Variants in HCN1 observed in about 807,000 individuals in gnomAD.
HCN1 encodes hyperpolarization activated cyclic nucleotide gated potassium channel 1, also known as potassium/sodium hyperpolarization-activated cyclic nucleotide-gated channel 1.
A neutral mutation model predicts 78.9 loss-of-function variants in HCN1; 13 were observed. That is an observed-to-expected ratio of 0.16 (90% confidence interval 0.11 to 0.26). The LOEUF is 0.26. HCN1 is among the 10% of genes least tolerant of loss of function. The pLI, the probability that HCN1 is intolerant of heterozygous loss-of-function variation, is 1.00. For missense variants in HCN1, 810 were observed against 1,154.3 expected, an observed-to-expected ratio of 0.70 and a Z score of 4.32; for synonymous variants, 552 against 455.5, an observed-to-expected ratio of 1.21 and a Z score of -2.70.
intron 2 of HCN1, among the ~76,000 whole-genome samples, chr5:45,477,022 CA>C (rs1034265765): frequency 1.3e-5 from 2 of 151,996 alleles, no homozygotes; most frequent in African/African-American, 2.4e-5. Flanking sequence ...TATATCACCC[CA>C]AGGCATACGT....
chr5:45,613,644 G>T (rs968994863), intron 2 of HCN1, among the ~76,000 whole-genome samples: 2 of 151,892 alleles, frequency 1.3e-5, no homozygotes, highest in African/African-American at 4.8e-5. Flanking sequence ...AAATCATGCT[G>T]CTATAAAGAC....
chr5:45,373,779 T>A (rs1290258775), intron 4 of HCN1, among the ~76,000 whole-genome samples: 6 of 122,386 alleles, frequency 4.9e-5, no homozygotes, highest in Non-Finnish European at 9.8e-5. Flanking sequence ...TATAATATAT[T>A]ACATACGGTA....
chr5:45,675,761 G>C (rs145459271), intron 1 of HCN1, among the ~76,000 whole-genome samples: 2 of 151,872 alleles, frequency 1.3e-5, no homozygotes, highest in African/African-American at 4.8e-5. Context: ...GAACAATTAT[G>C]TTATACCATT....
intron 2 of HCN1, among the ~76,000 whole-genome samples, chr5:45,525,584 A>G (rs1357785357): frequency 6.6e-6 from 1 of 151,994 alleles, no homozygotes; most frequent in East Asian, 1.9e-4. Flanking sequence ...TAATAAATAA[A>G]TAAAAAGCAA....
chr5:45,531,721 T>A (rs995825868), intron 2 of HCN1, among the ~76,000 whole-genome samples: 1 of 151,644 alleles, frequency 6.6e-6, no homozygotes, highest in Non-Finnish European at 1.5e-5. Flanking sequence ...GCTCTGACAC[T>A]TTTTTTTTCA....
chr5:45,327,042 T>C (rs1746249103), intron 5 of HCN1, among the ~76,000 whole-genome samples: 1 of 151,616 alleles, frequency 6.6e-6, no homozygotes, highest in Admixed American at 6.6e-5. Context: ...AGGAAGAGTG[T>C]TCATTAGAGA....
chr5:45,569,172 T>C (rs546218934), intron 2 of HCN1, among the ~76,000 whole-genome samples: 17 of 152,292 alleles, frequency 1.1e-4, no homozygotes, highest in African/African-American at 4.1e-4. Flanking sequence ...CCTCCAATCA[T>C]ACTTCTACAT....
intron 1 of HCN1, among the ~76,000 whole-genome samples, chr5:45,682,530 C>T (rs938456442): frequency 6.6e-6 from 1 of 151,506 alleles, no homozygotes; most frequent in Non-Finnish European, 1.5e-5. Flanking sequence ...CATAATATTG[C>T]TAAAAGTCTC....
intron 3 of HCN1, among the ~76,000 whole-genome samples, chr5:45,453,236 A>G (rs925209755): frequency 2.0e-5 from 3 of 152,104 alleles, no homozygotes; most frequent in African/African-American, 7.2e-5. Context: ...TATATCCGTA[A>G]ATTGAATAAT....
chr5:45,303,901 A>G lies in HCN1; in HGVS notation c.1378-62T>C, dbSNP rs1032133644. 1.5e-5 allele frequency: 22 copies of G among 1,447,440 alleles called. No individual in the cohort carries two copies. In the African/African-American group the frequency reaches 2.7e-4, roughly 17 times the overall value. The allele number at this position is 1,447,440 out of a possible 1,614,324, so 89.7% of individuals were successfully genotyped here. On this transcript the variant is annotated intron_variant, in intron 5 of 7. Transcript: ENST00000303230. ...TATTAATCATATCTGGAAGAAAAAC[A>G]TGCTGAAATTTAAAATATATACAGC...
intron 5 of HCN1, among the ~76,000 whole-genome samples, chr5:45,336,545 A>C (rs1234854679): frequency 6.6e-6 from 1 of 152,082 alleles, no homozygotes; most frequent in African/African-American, 2.4e-5. Flanking sequence ...TATACCTTGA[A>C]GTGTCTCAAT....
chr5:45,376,286 G>GAATATAGAATATATATTCTATATAGA (rs1554021632), intron 4 of HCN1, among the ~76,000 whole-genome samples: 1 of 7,000 alleles, frequency 1.4e-4, no homozygotes, highest in Non-Finnish European at 3.2e-4. Context: ...AGAATATATA[G>GAATATAGAATATATATTCTATATAGA]ATATATATTG....
chr5:45,430,029 A>G (rs2112075966), intron 3 of HCN1, among the ~76,000 whole-genome samples: 2 of 152,292 alleles, frequency 1.3e-5, no homozygotes. Flanking sequence ...TATTATAAGT[A>G]CAAAGACTCT....
chr5:45,536,659 T>A (rs1039721082), intron 2 of HCN1, among the ~76,000 whole-genome samples: 1 of 152,222 alleles, frequency 6.6e-6, no homozygotes, highest in Non-Finnish European at 1.5e-5. Flanking sequence ...TTTAATTATG[T>A]CATTGTCACA....
chr5:45,410,075 A>T (rs1272197818), intron 3 of HCN1, among the ~76,000 whole-genome samples: 3 of 152,014 alleles, frequency 2.0e-5, no homozygotes, highest in East Asian at 3.8e-4. Context: ...CATAATACTG[A>T]CCATAGCACA....
chr5:45,330,591 G>A (rs1746325177), intron 5 of HCN1, among the ~76,000 whole-genome samples: 1 of 150,668 alleles, frequency 6.6e-6, no homozygotes, highest in Non-Finnish European at 1.5e-5. Flanking sequence ...TAGAAAAAAG[G>A]AAACTAAGTT....
chr5:45,407,992 G>T (rs1462348024), intron 3 of HCN1, among the ~76,000 whole-genome samples: 1 of 151,824 alleles, frequency 6.6e-6, no homozygotes, highest in African/African-American at 2.4e-5. Flanking sequence ...TAAAAGTAAA[G>T]AAAAAATCAA....
intron 4 of HCN1, among the ~76,000 whole-genome samples, chr5:45,371,951 T>A (rs1305474130): frequency 1.0e-5 from 1 of 97,436 alleles, no homozygotes; most frequent in East Asian, 2.6e-4. Context: ...ATATATAATA[T>A]AATATAATTA....
intron 5 of HCN1, among the ~76,000 whole-genome samples, chr5:45,337,850 C>T (rs1201406376): frequency 6.6e-6 from 1 of 152,038 alleles, no homozygotes. Context: ...TAAGAATGGG[C>T]TAGTTATCTG....
Sources: allele counts gnomAD v4.1 joint callset (sites outside exome capture counted in the v4.1 genomes callset), GRCh38; gene constraint gnomAD v4.1.1; transcripts MANE v1.5; gene names NCBI Gene and HGNC (gene_info 2026-07-23, HGNC 2026-07-21).